DPP10: variants seen among roughly 807,000 people sequenced by gnomAD.
The protein encoded by DPP10 is dipeptidyl peptidase like 10, also known as inactive dipeptidyl peptidase 10.
DPP10 carries 33 observed loss-of-function variants against 120.9 expected under a neutral mutation model. The ratio of observed to expected loss-of-function variants is 0.27; its 90% CI spans 0.21 to 0.37. DPP10 has a LOEUF of 0.37. Among genes scored for constraint, DPP10 ranks in the 10% least tolerant of loss-of-function variants. DPP10 has a pLI of 1.00. For missense variants in DPP10, 816 were observed against 942.8 expected (o/e 0.87, Z 1.76); for synonymous variants, 337 against 326.1 (o/e 1.03, Z -0.36).
chr2:115,469,772 C>T (rs1447398860), intron 3 of DPP10, among the ~76,000 whole-genome samples: 4 of 151,108 alleles, frequency 2.6e-5, no homozygotes, highest in South Asian at 2.1e-4. Flanking sequence ...GTGGCACTTT[C>T]CTGTAATCCC....
intron 1 of DPP10, among the ~76,000 whole-genome samples, chr2:114,731,289 C>T (rs1676889963): frequency 6.6e-6 from 1 of 151,736 alleles, no homozygotes; most frequent in African/African-American, 2.4e-5. Flanking sequence ...ATTAAATTTC[C>T]AAGAATGCCT....
chr2:115,491,227 A>G (rs2105347595), intron 3 of DPP10, among the ~76,000 whole-genome samples: 1 of 152,326 alleles, frequency 6.6e-6, no homozygotes, highest in Admixed American at 6.5e-5. Context: ...TACAGCAAAC[A>G]CTGCTAGAGG....
At chr2:114,502,418 T>G (rs13398985) in intron 1 of DPP10, among the ~76,000 whole-genome samples, 19,307 of 152,188 alleles carry the variant, frequency 0.13, 2,912 homozygotes, top group African/African-American at 0.37. Context: ...CATATCCCCT[T>G]TATAAATACA....
chr2:115,329,864 CT>C (rs1257333195), intron 2 of DPP10, among the ~76,000 whole-genome samples: 20 of 152,230 alleles, frequency 1.3e-4, no homozygotes, highest in African/African-American at 4.8e-4. Context: ...GGTTCCAAGT[CT>C]TTGCTATTGT....
At chr2:115,194,126 C>T (rs1009908669) in intron 1 of DPP10, among the ~76,000 whole-genome samples, 1 of 152,174 alleles carries the variant, frequency 6.6e-6, no homozygotes, top group Non-Finnish European at 1.5e-5. Flanking sequence ...AATGAAGTTT[C>T]CTCCAAAAGT....
At chr2:115,828,371 C>G (rs533438144) in intron 21 of DPP10, among the ~76,000 whole-genome samples, 1 of 151,940 alleles carries the variant, frequency 6.6e-6, no homozygotes, top group East Asian at 1.9e-4. Flanking sequence ...ATATGTCTTA[C>G]GCTTCAGTTT....
chr2:114,653,536 G>A (rs1485765030), intron 1 of DPP10, among the ~76,000 whole-genome samples: 1 of 152,178 alleles, frequency 6.6e-6, no homozygotes, highest in East Asian at 1.9e-4. Flanking sequence ...GGGAGGTGGG[G>A]CACAGAAAAA....
intron 1 of DPP10, among the ~76,000 whole-genome samples, chr2:114,902,700 C>T (rs1693679005): frequency 6.6e-6 from 1 of 152,182 alleles, no homozygotes; most frequent in African/African-American, 2.4e-5. Flanking sequence ...AGAGACTTCC[C>T]TGATACTACG....
chr2:115,267,717 T>C (rs953417585), intron 1 of DPP10, among the ~76,000 whole-genome samples: 1 of 152,142 alleles, frequency 6.6e-6, no homozygotes, highest in Non-Finnish European at 1.5e-5. Context: ...TCTTCTCCTA[T>C]AGGTAAACAC....
At chr2:114,592,217 A>C (rs2105166275) in intron 1 of DPP10, among the ~76,000 whole-genome samples, 1 of 152,304 alleles carries the variant, frequency 6.6e-6, no homozygotes, top group East Asian at 1.9e-4. Context: ...ACAGAGAAGA[A>C]TGTAAGCAGC....
chr2:115,390,660 GTTTACA>G (rs1233025221), intron 3 of DPP10, among the ~76,000 whole-genome samples: 1 of 152,058 alleles, frequency 6.6e-6, no homozygotes, highest in Non-Finnish European at 1.5e-5. Context: ...CAAAGCCTCT[GTTTACA>G]TTTAGTTAAT....
chr2:115,186,400 G>A (rs1039789399), intron 1 of DPP10, among the ~76,000 whole-genome samples: 1 of 152,148 alleles, frequency 6.6e-6, no homozygotes, highest in Non-Finnish European at 1.5e-5. Context: ...CAGAGCCTAC[G>A]GTGGAATACA....
At chr2:115,745,204 A>C (rs1252577079) in intron 9 of DPP10, among the ~76,000 whole-genome samples, 4 of 148,178 alleles carry the variant, frequency 2.7e-5, no homozygotes, top group Non-Finnish European at 5.9e-5. Flanking sequence ...CTGGGTTTAA[A>C]TACTAACTTT....
In DPP10 at chr2:115,551,325, G is replaced by T. The variant is rs549007591; in HGVS notation, c.441+25353G>T. ...TTAAAATTAAGAACAAATTGCTCTTGTGGGCTTGGCTATGGCTATGATATG... is the reference window on the plus strand; with the variant it reads ...TTAAAATTAAGAACAAATTGCTCTTTTGGGCTTGGCTATGGCTATGATATG... On this transcript the variant is annotated intron_variant, in intron 5 of 25. Coordinates refer to ENST00000410059, the MANE Select transcript of DPP10 (RefSeq NM_020868.6). Among the ~76,000 whole-genome samples, 5 of 152,226 alleles carry T rather than the reference G, an allele frequency of 3.3e-5. No homozygotes were observed. The South Asian group carries it at 1.0e-3, about 32-fold the overall frequency.
In DPP10 at chr2:115,131,412, C is replaced by T. The variant is rs187817882; in HGVS notation, c.61-177827C>T. On this transcript the variant is annotated intron_variant, in intron 1 of 25. Transcript: ENST00000410059. ...TCTGTGGTCCCAGCTACTTGGGAGGCTGAGGTAGGAGGATTGCTTGAGTCC... is the reference window on the plus strand; with the variant it reads ...TCTGTGGTCCCAGCTACTTGGGAGGTTGAGGTAGGAGGATTGCTTGAGTCC... Among the ~76,000 whole-genome samples, 241 of 152,148 alleles carry T rather than the reference C, an allele frequency of 1.6e-3. 1 individual carries two copies. Among genetic ancestry groups the T allele is most frequent in the African/African-American group, 5.7e-3 (236 of 41,542 alleles).
intron 1 of DPP10, among the ~76,000 whole-genome samples, chr2:115,016,798 G>A (rs1414738315): frequency 6.6e-6 from 1 of 151,996 alleles, no homozygotes; most frequent in Non-Finnish European, 1.5e-5. Context: ...CAAAGACTTG[G>A]AACCAACCCA....
At chr2:114,917,805 C>T (rs899806677) in intron 1 of DPP10, among the ~76,000 whole-genome samples, 6 of 152,048 alleles carry the variant, frequency 3.9e-5, no homozygotes, top group African/African-American at 1.4e-4. Context: ...CAAAAATCAA[C>T]TCAAGATGGA....
In DPP10 at chr2:114,543,417, G is replaced by T. The variant is rs72951853; in HGVS notation, c.60+100579G>T. 3.3e-3 allele frequency among the ~76,000 whole-genome samples: 504 copies of T among 152,340 alleles called. 3 individuals are homozygous for T. Among genetic ancestry groups the T allele is most frequent in the African/African-American group, 0.011 (461 of 41,578 alleles). On this transcript the variant is annotated intron_variant, in intron 1 of 25. Transcript: ENST00000410059. Reference sequence around the variant, plus strand: ...AAAAGTAGGAAATAGCAAGAGGGAAGAAGTAATTTCCTTCACTTCTTTCTG... The same window carrying T: ...AAAAGTAGGAAATAGCAAGAGGGAATAAGTAATTTCCTTCACTTCTTTCTG...
chr2:115,698,381 A>G (rs1274997879), intron 7 of DPP10, among the ~76,000 whole-genome samples: 3 of 152,198 alleles, frequency 2.0e-5, no homozygotes, highest in Non-Finnish European at 4.4e-5. Flanking sequence ...GGAAGTAGCT[A>G]TATATACTTA....
Sources: allele counts gnomAD v4.1 joint callset (sites outside exome capture counted in the v4.1 genomes callset), GRCh38; gene constraint gnomAD v4.1.1; transcripts MANE v1.5; gene names NCBI Gene and HGNC (gene_info 2026-07-23, HGNC 2026-07-21).